ARHGEF10L: variants seen among roughly 807,000 people sequenced by gnomAD.
The protein encoded by ARHGEF10L is Rho guanine nucleotide exchange factor 10 like.
A neutral mutation model predicts 141.2 loss-of-function variants in ARHGEF10L; 69 were observed. The ratio of observed to expected loss-of-function variants is 0.49; its 90% CI spans 0.40 to 0.60. ARHGEF10L has a LOEUF of 0.60. ARHGEF10L is among the 20% of genes least tolerant of loss of function. The pLI is 0.00. For synonymous variants in ARHGEF10L, 711 were observed against 718.5 expected (o/e 0.99, Z 0.17); for missense variants, 1,482 against 1,734.3 (o/e 0.85, Z 2.58).
At chr1:17,668,512 C>T (rs1407615968) in intron 26 of ARHGEF10L, among the ~76,000 whole-genome samples, 1 of 152,228 alleles carries the variant, frequency 6.6e-6, no homozygotes, top group East Asian at 1.9e-4. Context: ...GGCTACAGCA[C>T]GAGGCTGTGA....
chr1:17,644,192 G>A lies in ARHGEF10L; in HGVS notation c.2272+3890G>A, dbSNP rs2061469293. Reference sequence around the variant, plus strand: ...CCAAGGCAGTGAGCCTGAGCGCAGGGCTGGGCCCTCCCTTGCTGCCTCTCA... The same window carrying A: ...CCAAGGCAGTGAGCCTGAGCGCAGGACTGGGCCCTCCCTTGCTGCCTCTCA... On this transcript the variant is annotated intron_variant, in intron 21 of 28. Coordinates refer to ENST00000361221, the MANE Select transcript of ARHGEF10L (RefSeq NM_018125.4). This position sits in a 1 kb window ranked among gnomAD's most constrained non-coding sequence, Gnocchi z 4.5. Among the ~76,000 whole-genome samples the A allele has an allele frequency of 6.6e-6, 1 of 152,262 alleles. No individual in the cohort carries two copies. The highest frequency in any genetic ancestry group is 1.5e-5 in the Non-Finnish European group (1 of 68,044).
At chr1:17,610,700 G>A (rs1288946195) in intron 7 of ARHGEF10L, among the ~76,000 whole-genome samples, 1 of 152,232 alleles carries the variant, frequency 6.6e-6, no homozygotes, top group Non-Finnish European at 1.5e-5. Flanking sequence ...GGCACAAGCT[G>A]ACAGCAGGGG....
rs892731785 is a variant in ARHGEF10L, at chr1:17,587,639, G to A, written c.217G>A (p.Val73Ile). 3 of 1,610,352 alleles carry A rather than the reference G, an allele frequency of 1.9e-6. No homozygotes were observed. The African/African-American group carries it at 4.0e-5, about 21-fold the overall frequency. ...PPLIHLDSIP[V>I]TDPDPAAAPP... is the part of the protein sequence containing the mutation. Reference sequence around the variant, plus strand: ...ACTGATCCACTTGGACTCCATCCCTGTCACTGGTAAGATGTTTCTGGGAAC... The same window carrying A: ...ACTGATCCACTTGGACTCCATCCCTATCACTGGTAAGATGTTTCTGGGAAC... Residue 73 changes from valine (V) to isoleucine (I), a missense_variant, in exon 3 of 29, where the codon GTC (valine) becomes ATC (isoleucine). Val to Ile is a conservative substitution (Grantham distance 29). Coordinates refer to ENST00000361221, the MANE Select transcript of ARHGEF10L (RefSeq NM_018125.4).
chr1:17,617,546 A>C (rs1306918035), intron 9 of ARHGEF10L, among the ~76,000 whole-genome samples: 1 of 152,242 alleles, frequency 6.6e-6, no homozygotes, highest in Admixed American at 6.5e-5. Context: ...ATCCCAGTAC[A>C]GTGGGCTCAC....
chr1:17,562,244 G>A lies in ARHGEF10L; in HGVS notation c.-43-18309G>A, dbSNP rs561580095. Among the ~76,000 whole-genome samples the A allele has an allele frequency of 3.3e-5, 5 of 152,254 alleles. No homozygotes were observed. In the East Asian group the frequency reaches 5.8e-4, roughly 18 times the overall value. On this transcript the variant is annotated intron_variant, in intron 1 of 28. Transcript: ENST00000361221. The stretch of plus-strand genomic sequence containing the variant: ...AGCCTGGGCAGCATGATGAGACCCC[G>A]TCTCTACGAAAAAATACAAAAAATT...
chr1:17,680,081 C>T (rs2063996782), intron 26 of ARHGEF10L, among the ~76,000 whole-genome samples: 2 of 151,998 alleles, frequency 1.3e-5, no homozygotes, highest in African/African-American at 4.8e-5. Flanking sequence ...CCCACCCTGC[C>T]CCTGCCCCTG....
Position 17,549,114 on chromosome 1 carries a change from C to G in ARHGEF10L, c.-44+9164C>G, listed in dbSNP as rs1235505786. Among the ~76,000 whole-genome samples, 3 of 152,046 alleles carry G rather than the reference C, an allele frequency of 2.0e-5. No individual in the cohort carries two copies. In the South Asian group the frequency reaches 6.2e-4, roughly 32 times the overall value. ...CTTGGCTCACTGCATCCTCTGCATC[C>G]TGGGTTCGAGCGATTCTCCAGCCTC... On this transcript the variant is annotated intron_variant, in intron 1 of 28. Coordinates refer to ENST00000361221, the MANE Select transcript of ARHGEF10L (RefSeq NM_018125.4).
At chr1:17,689,616 T>G in intron 27 of ARHGEF10L, 1 of 137,912 alleles carries the variant, frequency 7.3e-6, no homozygotes, top group Non-Finnish European at 1.3e-5. Context: ...CCCTCCTTCC[T>G]CCCTCCCTCC....
chr1:17,659,633 G>A (rs2062487261), intron 25 of ARHGEF10L, among the ~76,000 whole-genome samples: 1 of 152,222 alleles, frequency 6.6e-6, no homozygotes, highest in African/African-American at 2.4e-5. Flanking sequence ...TGGTGGTGTG[G>A]AGGGTCCAGG....
chr1:17,547,499 C>T (rs1401117518), intron 1 of ARHGEF10L, among the ~76,000 whole-genome samples: 3 of 152,312 alleles, frequency 2.0e-5, no homozygotes, highest in East Asian at 3.9e-4. Flanking sequence ...GCATACAAGG[C>T]GGGAGCCAGC....
At chr1:17,604,115 C>A (rs1010682388) in intron 6 of ARHGEF10L, among the ~76,000 whole-genome samples, 9 of 151,934 alleles carry the variant, frequency 5.9e-5, no homozygotes, top group African/African-American at 2.2e-4. Context: ...CAGGAAGAGC[C>A]GTCTTTGCTT....
At chr1:17,531,352 C>T in the ARHGEF10L span, among the ~76,000 whole-genome samples, 1 of 152,220 alleles carries the variant, frequency 6.6e-6, no homozygotes, top group African/African-American at 2.4e-5. Context: ...TCAACATGAC[C>T]ATCCTGGTGA....
At chr1:17,539,222 G>A (rs1311929822), upstream of ARHGEF10L, among the ~76,000 whole-genome samples, 1 of 152,218 alleles carries the variant, frequency 6.6e-6, no homozygotes, top group Non-Finnish European at 1.5e-5. The surrounding 1 kb of genome is among the most constrained non-coding windows in gnomAD (Gnocchi z 6.0). Context: ...CCATGGCGGG[G>A]GTGGGGGGCA....
chr1:17,531,511 A>G, the ARHGEF10L span, among the ~76,000 whole-genome samples: 1 of 152,180 alleles, frequency 6.6e-6, no homozygotes, highest in Non-Finnish European at 1.5e-5. Context: ...TCACTCTCCC[A>G]CTGTGTGACC....
At position 17,627,446 on chromosome 1, in the gene ARHGEF10L, G is replaced by C; in HGVS notation, c.1527G>C (p.Gln509His). 1 of 1,613,462 alleles carries C rather than the reference G, an allele frequency of 6.2e-7. No individual in the cohort carries two copies. Among genetic ancestry groups the C allele is most frequent in the South Asian group, 1.1e-5 (1 of 91,052 alleles). The change falls in exon 15 of 29, where the codon CAG (glutamine) becomes CAC (histidine). Residue 509 changes from glutamine (Q) to histidine (H), a missense_variant. Physicochemically the swap from Gln to His is conservative, Grantham distance 24 (BLOSUM62 0). Transcript: ENST00000361221. This position sits in a 1 kb window ranked among gnomAD's most constrained non-coding sequence, Gnocchi z 4.0. ...KLNEQKRLAD[Q>H]VAEIQQLTKS... Reference sequence around the variant, plus strand: ...ACGAGCAGAAGCGGCTGGCTGACCAGGTGGCTGAGATCCAGCAGCTGACCA... The same window carrying C: ...ACGAGCAGAAGCGGCTGGCTGACCACGTGGCTGAGATCCAGCAGCTGACCA...
intron 1 of ARHGEF10L, among the ~76,000 whole-genome samples, chr1:17,542,174 CATGGTGGCT>C (rs2076754711): frequency 6.6e-6 from 1 of 151,846 alleles, no homozygotes; most frequent in Non-Finnish European, 1.5e-5. Context: ...GAAGATTGAG[CATGGTGGCT>C]CATGCTTGTA....
rs749445934 is a variant in ARHGEF10L at position 17,697,188 on chromosome 1, C to T, written c.3648C>T (p.Asp1216=). 2 of 1,611,988 alleles carry T rather than the reference C, an allele frequency of 1.2e-6. No homozygotes were observed. The highest frequency in any genetic ancestry group is 1.3e-5 in the African/African-American group (1 of 74,924). ...EDGSIYEMAD[D]PDIWVRSRPC... ...GCTCCATTTACGAGATGGCCGACGA[C>T]CCCGACATCTGGGTGCGCAGCCGGC... Residue 1216 remains aspartate, a synonymous_variant, in exon 29 of 29, where the codon GAC becomes GAT. Coordinates refer to ENST00000361221, the MANE Select transcript of ARHGEF10L (RefSeq NM_018125.4). The surrounding 1 kb of genome is among the most constrained non-coding windows in gnomAD (Gnocchi z 4.8).
intron 20 of ARHGEF10L, 73 bp downstream of exon 20, chr1:17,638,762 G>A (rs374874398): frequency 6.3e-7 from 1 of 1,591,678 alleles, no homozygotes; most frequent in Non-Finnish European, 8.5e-7. Context: ...GATCCGGAGA[G>A]GGTACCTGGA....
rs1353811264 is a variant in ARHGEF10L, at chr1:17,603,549, T to G, written c.391T>G (p.Tyr131Asp). Residue 131 changes from tyrosine (Y) to aspartate (D), a missense_variant, in exon 6 of 29, where the codon TAT (tyrosine) becomes GAT (aspartate). Physicochemically the swap from Tyr to Asp is radical, Grantham distance 160. Around this residue, in one of 3 missense-constraint regions of ARHGEF10L, gnomAD observed 232 missense variants for 225.9 expected, o/e 1.03. Coordinates refer to ENST00000361221, the MANE Select transcript of ARHGEF10L (RefSeq NM_018125.4). The surrounding 1 kb of genome is among the most constrained non-coding windows in gnomAD (Gnocchi z 4.8). ...CCCCGCCCTGGAAGAGGATGTGATT[T>G]ATGACGACGTCCCCTGCGAGAGCCC... is the stretch of plus-strand genomic sequence containing the variant. ...TFPALEEDVI[Y>D]DDVPCESPDA... The G allele has an allele frequency of 5.0e-6, 8 of 1,613,750 alleles. No homozygotes were observed. Among genetic ancestry groups the G allele is most frequent in the Non-Finnish European group, 6.8e-6 (8 of 1,179,796 alleles).
Sources: allele counts gnomAD v4.1 joint callset (sites outside exome capture counted in the v4.1 genomes callset), GRCh38; gene constraint gnomAD v4.1.1; regional missense constraint gnomAD v4.1.1; non-coding constraint Gnocchi (gnomAD v3.1); transcripts MANE v1.5; gene names NCBI Gene and HGNC (gene_info 2026-07-23, HGNC 2026-07-21).